RFX8: variants seen among roughly 807,000 people sequenced by gnomAD.
RFX8 encodes the protein DNA-binding protein RFX8.
A neutral mutation model predicts 54.6 loss-of-function variants in RFX8; 46 were observed. The observed-to-expected ratio is 0.84, with a 90% CI of 0.67 to 1.08. RFX8 has a LOEUF of 1.08. Ranked by LOEUF, RFX8 falls within the 50% of genes least tolerant of loss-of-function variation. The pLI is 0.00. For missense variants in RFX8, 536 were observed against 562.3 expected (o/e 0.95, Z 0.47); for synonymous variants, 192 against 209.5 (o/e 0.92, Z 0.72).
chr2:101,434,565 C>A lies in RFX8; in HGVS notation c.73-12093G>T, dbSNP rs186220235. On this transcript the variant is annotated intron_variant, in intron 2 of 11. Transcript: ENST00000428343. ...GCAATGCAACAGACGTTGCATTGCA[C>A]GGGCGTCTGTCTGTTGGAGATGGGC... Among the ~76,000 whole-genome samples the A allele has an allele frequency of 2.1e-3, 326 of 152,082 alleles. 2 individuals carry two copies. Among genetic ancestry groups the A allele is most frequent in the Non-Finnish European group, 3.5e-3 (237 of 68,000 alleles).
chr2:101,413,213 A>C, intron 7 of RFX8, 142 bp from the exon 8 acceptor site: 1 of 692,402 alleles, frequency 1.4e-6, no homozygotes, highest in East Asian at 2.7e-5. Flanking sequence ...ATGAATCTTA[A>C]ACAAGAATGA....
chr2:101,445,395 T>C (rs964300865), intron 2 of RFX8, among the ~76,000 whole-genome samples: 3 of 151,870 alleles, frequency 2.0e-5, no homozygotes, highest in Admixed American at 6.6e-5. Flanking sequence ...CATCTCGCGA[T>C]TGTTCCTTTT....
chr2:101,432,731 G>C (rs1687558582), intron 2 of RFX8, among the ~76,000 whole-genome samples: 1 of 152,206 alleles, frequency 6.6e-6, no homozygotes, highest in Admixed American at 6.5e-5. Context: ...CAGCGCCAAG[G>C]AAACCACACA....
chr2:101,442,966 C>A (rs951935074), intron 2 of RFX8, among the ~76,000 whole-genome samples: 1 of 152,054 alleles, frequency 6.6e-6, no homozygotes, highest in Non-Finnish European at 1.5e-5. Flanking sequence ...CGGCTCACAC[C>A]CTCAGTATCT....
At chr2:101,408,363 T>C (rs575966754) in intron 9 of RFX8, among the ~76,000 whole-genome samples, 133 of 152,162 alleles carry the variant, frequency 8.7e-4, no homozygotes, top group African/African-American at 3.0e-3. Flanking sequence ...CGGGCACCTG[T>C]AGTCTCAGCT....
At chr2:101,474,246 C>G (rs1248769016) in intron 1 of RFX8, 1 of 613,198 alleles carries the variant, frequency 1.6e-6, no homozygotes, top group Non-Finnish European at 2.9e-6. Flanking sequence ...CCTCGCCGCT[C>G]GACGGCGAGG....
Position 101,447,759 on chromosome 2 carries a change from T to G in RFX8, c.72+19018A>C, listed in dbSNP as rs13019298. On this transcript the variant is annotated intron_variant, in intron 2 of 11. Coordinates refer to ENST00000428343, the MANE Select transcript of RFX8 (RefSeq NM_001145664.2). ...TATCCATTAATCATTAACCCATCTT[T>G]CATTCCTCCCTATTCTCTCCAGCCT... Among the ~76,000 whole-genome samples, 949 of 152,360 alleles carry G rather than the reference T, an allele frequency of 6.2e-3. 7 individuals are homozygous for G. Among genetic ancestry groups the G allele is most frequent in the Middle Eastern group, 0.014 (4 of 294 alleles).
chr2:101,426,487 C>T (rs1335725431), intron 2 of RFX8, among the ~76,000 whole-genome samples: 1 of 152,080 alleles, frequency 6.6e-6, no homozygotes, highest in Non-Finnish European at 1.5e-5. Context: ...CCACTGCTCT[C>T]CAGCCTGGGC....
intron 2 of RFX8, among the ~76,000 whole-genome samples, chr2:101,459,783 C>T (rs1251893681): frequency 6.6e-6 from 1 of 152,166 alleles, no homozygotes; most frequent in Non-Finnish European, 1.5e-5. Flanking sequence ...CAGACAGGGA[C>T]GTTTAAGTCT....
At chr2:101,421,592 C>T (rs1458900928) in intron 4 of RFX8, 132 bp downstream of exon 4, 29 of 1,427,916 alleles carry the variant, frequency 2.0e-5, no homozygotes, top group Non-Finnish European at 2.7e-5. Context: ...AGCATGTAAG[C>T]ACTTCAGTGC....
At chr2:101,459,462 A>C (rs1689152911) in intron 2 of RFX8, among the ~76,000 whole-genome samples, 1 of 152,208 alleles carries the variant, frequency 6.6e-6, no homozygotes, top group African/African-American at 2.4e-5. Flanking sequence ...TCCTTCTAAC[A>C]GTCAGGCCCC....
chr2:101,409,417 G>A (rs1024767016), intron 9 of RFX8, among the ~76,000 whole-genome samples: 2 of 151,448 alleles, frequency 1.3e-5, no homozygotes, highest in Admixed American at 6.6e-5. Flanking sequence ...TAGTAGAGAC[G>A]GGGTTTCACC....
intron 9 of RFX8, among the ~76,000 whole-genome samples, chr2:101,408,928 A>G (rs1685923025): frequency 6.6e-6 from 1 of 152,212 alleles, no homozygotes; most frequent in Non-Finnish European, 1.5e-5. Context: ...TGGCCACAAC[A>G]CGGCCAGAAG....
intron 2 of RFX8, chr2:101,428,969 T>G (rs1314835444): frequency 1.4e-5 from 22 of 1,530,350 alleles, no homozygotes; most frequent in Non-Finnish European, 1.9e-5. Flanking sequence ...TGCTTCTTGT[T>G]GGATAATGCT....
chr2:101,415,883 T>C (rs1686470818), intron 6 of RFX8, among the ~76,000 whole-genome samples: 1 of 152,238 alleles, frequency 6.6e-6, no homozygotes, highest in South Asian at 2.1e-4. Context: ...GAAGGTGACA[T>C]TTAATCTGGG....
intron 8 of RFX8, among the ~76,000 whole-genome samples, chr2:101,412,638 A>C (rs1383709743): frequency 6.6e-6 from 1 of 152,184 alleles, no homozygotes; most frequent in East Asian, 1.9e-4. Context: ...ACTGTCAAGC[A>C]GCAAGCACAC....
At chr2:101,397,944 C>T (rs1162081264) in intron 11 of RFX8, among the ~76,000 whole-genome samples, 6 of 152,092 alleles carry the variant, frequency 3.9e-5, no homozygotes, top group Non-Finnish European at 5.9e-5. Flanking sequence ...CTGCAACCTC[C>T]GCCTCCTGGG....
intron 10 of RFX8, among the ~76,000 whole-genome samples, chr2:101,405,186 A>G (rs1573349667): frequency 6.9e-6 from 1 of 144,990 alleles, no homozygotes; most frequent in African/African-American, 2.6e-5. Flanking sequence ...CGTTCTTGTC[A>G]CCCAGGCTGG....
Position 101,414,781 on chromosome 2 carries a change from A to C in RFX8, c.561+73T>G. ...TGGACAGAGCAACCACTCACTCTTAACAGGGACTTAGAGCTTTCACCTCTT... is the reference window on the plus strand; with the variant it reads ...TGGACAGAGCAACCACTCACTCTTACCAGGGACTTAGAGCTTTCACCTCTT... On this transcript the variant is annotated intron_variant, in intron 7 of 11. Coordinates refer to ENST00000428343, the MANE Select transcript of RFX8 (RefSeq NM_001145664.2). The C allele has an allele frequency of 2.5e-6, 3 of 1,192,594 alleles. No individual in the cohort carries two copies. The East Asian group carries it at 7.7e-5, about 31-fold the overall frequency. 73.9% of individuals were successfully genotyped at this position (1,192,594 alleles called of 1,614,324 possible).
Sources: allele counts gnomAD v4.1 joint callset (sites outside exome capture counted in the v4.1 genomes callset), GRCh38; gene constraint gnomAD v4.1.1; transcripts MANE v1.5; gene names NCBI Gene and HGNC (gene_info 2026-07-23, HGNC 2026-07-21).